Variants in PPM1D observed in about 807,000 individuals in gnomAD.
The protein encoded by PPM1D is protein phosphatase, Mg2+/Mn2+ dependent 1D.
PPM1D carries 52 observed loss-of-function variants against 58.3 expected under a neutral mutation model. That is an observed-to-expected ratio of 0.89 (90% confidence interval 0.71 to 1.12). PPM1D has a LOEUF of 1.12. Ranked by LOEUF, PPM1D falls within the 50% of genes most tolerant of loss-of-function variation. PPM1D has a pLI of 0.00. For synonymous variants in PPM1D, 278 were observed against 285.1 expected (o/e 0.98, Z 0.25); for missense variants, 564 against 777.2 (o/e 0.73, Z 3.26).
At chr17:60,638,825 G>C (rs186469373) in intron 3 of PPM1D, among the ~76,000 whole-genome samples, 1 of 151,984 alleles carries the variant, frequency 6.6e-6, no homozygotes, top group African/African-American at 2.4e-5. Flanking sequence ...TTTTTTGGGC[G>C]GGGGAAGGGG....
chr17:60,622,880 C>A (rs1280388863), intron 1 of PPM1D, among the ~76,000 whole-genome samples: 1 of 152,124 alleles, frequency 6.6e-6, no homozygotes, highest in African/African-American at 2.4e-5. Context: ...GTGGATCACC[C>A]AAGGTCAGGA....
At chr17:60,607,619 T>G (rs1157420864) in intron 1 of PPM1D, among the ~76,000 whole-genome samples, 1 of 152,222 alleles carries the variant, frequency 6.6e-6, no homozygotes, top group Non-Finnish European at 1.5e-5. Context: ...TTTTAAAGTT[T>G]GTATAGGCTT....
chr17:60,617,117 T>C (rs1249269464), intron 1 of PPM1D, among the ~76,000 whole-genome samples: 2 of 148,882 alleles, frequency 1.3e-5, no homozygotes, highest in South Asian at 2.1e-4. Flanking sequence ...CCTGGTTAAT[T>C]AAAAAAAAAA....
At chr17:60,631,952 G>A (rs1410699854) in intron 2 of PPM1D, among the ~76,000 whole-genome samples, 2 of 152,058 alleles carry the variant, frequency 1.3e-5, no homozygotes, top group African/African-American at 2.4e-5. Flanking sequence ...GCCGAGGTGG[G>A]TGGATCACGA....
At chr17:60,644,970 CAT>C (rs1000068951) in intron 3 of PPM1D, among the ~76,000 whole-genome samples, 1 of 152,180 alleles carries the variant, frequency 6.6e-6, no homozygotes, top group Non-Finnish European at 1.5e-5. Context: ...AAATATACCA[CAT>C]ATCTTAGTCA....
At chr17:60,622,301 C>T (rs1266962521) in intron 1 of PPM1D, among the ~76,000 whole-genome samples, 1 of 151,158 alleles carries the variant, frequency 6.6e-6, no homozygotes, top group Admixed American at 6.6e-5. Flanking sequence ...TAATTCTATT[C>T]CTTTAAACTT....
Position 60,663,398 on chromosome 17 carries a change from T to C in PPM1D, c.1664T>C (p.Leu555Ser). The change falls in exon 6 of 6, where the codon TTA becomes TCA. Residue 555 changes from leucine to serine, a missense_variant. This residue lies in a region of PPM1D where 261 missense variants were observed against 270.1 expected (regional missense o/e 0.97). Transcript: ENST00000305921. ...PLMKKHRRNGLSRSSGAQPAS... is the reference protein window; with the variant it reads ...PLMKKHRRNGSSRSSGAQPAS... ...ATGAAGAAGCATAGACGAAATGGCT[T>C]AAGTCGAAGTAGTGGTGCTCAGCCT... The C allele has an allele frequency of 1.2e-6, 2 of 1,614,154 alleles. No homozygotes were observed. The highest frequency in any genetic ancestry group is 2.2e-5 in the South Asian group (2 of 91,090).
Position 60,613,583 on chromosome 17 carries a change from C to T in PPM1D, c.473-9938C>T, listed in dbSNP as rs995591249. Among the ~76,000 whole-genome samples the T allele has an allele frequency of 9.8e-5, 15 of 152,360 alleles. No individual in the cohort carries two copies. In the South Asian group the frequency reaches 2.1e-3, roughly 21 times the overall value. ...TCCCTGGGCTGGCCGAGGCCGGAGC[C>T]GGCTCCCTCAGCTTGTGGGGAGGTG... On this transcript the variant is annotated intron_variant, in intron 1 of 5. Coordinates refer to ENST00000305921, the MANE Select transcript of PPM1D (RefSeq NM_003620.4).
At chr17:60,613,900 C>G (rs1269038293) in intron 1 of PPM1D, among the ~76,000 whole-genome samples, 6 of 136,188 alleles carry the variant, frequency 4.4e-5, no homozygotes, top group African/African-American at 1.4e-4. Context: ...GCCCCCCCCC[C>G]GCCACCCCCC....
rs544712928 is a variant in PPM1D, at chr17:60,600,273, C to T, written c.-142C>T. On this transcript the variant is annotated 5_prime_UTR_variant, in exon 1 of 6. Transcript: ENST00000305921. ...CGCGGACAAGTCCAGACATCGCGCG[C>T]CCCCCCTTCTCCGGGTCCGCCCCCT... 33 of 1,405,926 alleles carry T rather than the reference C, an allele frequency of 2.3e-5. No homozygotes were observed. The South Asian group carries it at 2.9e-4, about 12-fold the overall frequency. 87.1% of individuals were successfully genotyped at this position (1,405,926 alleles called of 1,614,324 possible). A position where few individuals can be genotyped will look rare whatever the true frequency, so the allele number is the denominator to read the frequency against.
intron 3 of PPM1D, among the ~76,000 whole-genome samples, chr17:60,634,924 G>A (rs149560074): frequency 1.3e-5 from 2 of 152,172 alleles, no homozygotes; most frequent in African/African-American, 4.8e-5. Context: ...GGGACTACAG[G>A]TGTGAGCCAC....
chr17:60,609,077 G>A (rs1171133952), intron 1 of PPM1D, among the ~76,000 whole-genome samples: 1 of 150,364 alleles, frequency 6.7e-6, no homozygotes, highest in Non-Finnish European at 1.5e-5. Context: ...CCAATATACA[G>A]TACATTTTGT....
intron 2 of PPM1D, among the ~76,000 whole-genome samples, chr17:60,624,170 T>G (rs1289005064): frequency 6.6e-6 from 1 of 152,228 alleles, no homozygotes; most frequent in East Asian, 1.9e-4. Context: ...AGTTATTGTT[T>G]TCTTTGTTTG....
chr17:60,620,038 G>A lies in PPM1D; in HGVS notation c.473-3483G>A, dbSNP rs567241021. ...TTTTGAGACAGAGTCTCGCCCTGTC[G>A]CCCAGGCTGGAGTGCAGTGGCATGA... On this transcript the variant is annotated intron_variant, in intron 1 of 5. Coordinates refer to ENST00000305921, the MANE Select transcript of PPM1D (RefSeq NM_003620.4). Among the ~76,000 whole-genome samples, 32 of 151,302 alleles carry A rather than the reference G, an allele frequency of 2.1e-4. No homozygotes were observed. In the East Asian group the frequency reaches 4.7e-3, roughly 22 times the overall value.
intron 4 of PPM1D, among the ~76,000 whole-genome samples, chr17:60,655,154 T>C (rs1444854987): frequency 1.3e-5 from 2 of 152,222 alleles, no homozygotes; most frequent in African/African-American, 4.8e-5. Flanking sequence ...TATATATATA[T>C]GAGCTGTTTA....
chr17:60,648,161 A>G (rs1855801822), intron 4 of PPM1D, 79 bp downstream of exon 4: 5 of 1,451,040 alleles, frequency 3.4e-6, no homozygotes, highest in Non-Finnish European at 4.7e-6. Flanking sequence ...AATATGAACT[A>G]AGGACATTGA....
intron 2 of PPM1D, among the ~76,000 whole-genome samples, chr17:60,629,630 T>A (rs1242463769): frequency 6.6e-6 from 1 of 152,248 alleles, no homozygotes; most frequent in Non-Finnish European, 1.5e-5. Flanking sequence ...TTTTCTGGGC[T>A]ATAATTTTTT....
Position 60,656,818 on chromosome 17 carries a change from C to T in PPM1D, c.1237C>T (p.Pro413Ser). 2 of 1,614,160 alleles carry T rather than the reference C, an allele frequency of 1.2e-6. No individual in the cohort carries two copies. Among genetic ancestry groups the T allele is most frequent in the Middle Eastern group, 1.6e-4 (1 of 6,062 alleles). The change falls in exon 5 of 6, where the codon CCA becomes TCA. Residue 413 changes from proline to serine, a missense_variant. This residue lies in a region of PPM1D where 261 missense variants were observed against 270.1 expected (regional missense o/e 0.97). Transcript: ENST00000305921. ...AGAAACCTGTGTGATGACTCCTTCC[C>T]CATGTTCTACACCACCAGTCAAGGT... The part of the protein sequence containing the change: ...SQETCVMTPS[P>S]CSTPPVKSLE...
At chr17:60,601,116 A>G (rs1433475228) in intron 1 of PPM1D, among the ~76,000 whole-genome samples, 1 of 152,032 alleles carries the variant, frequency 6.6e-6, no homozygotes, top group South Asian at 2.1e-4. Flanking sequence ...CTTTATTTCC[A>G]TCCTCCAAGG....
Sources: gnomAD v4.1 joint callset for allele counts (sites outside exome capture counted in the v4.1 genomes callset) on GRCh38, gnomAD v4.1.1 for gene constraint, gnomAD v4.1.1 regional missense constraint, MANE v1.5 for transcripts, NCBI Gene and HGNC (gene_info 2026-07-23, HGNC 2026-07-21) for gene names.